The following PDPR variants were observed in gnomAD, a reference collection of about 807,000 sequenced individuals.
The protein encoded by PDPR is pyruvate dehydrogenase phosphatase regulatory subunit.
PDPR carries 50 observed loss-of-function variants against 102.2 expected under a neutral mutation model. The ratio of observed to expected loss-of-function variants is 0.49; its 90% confidence interval spans 0.39 to 0.62. PDPR has a LOEUF of 0.62. Ranked by LOEUF, PDPR falls within the 20% of genes least tolerant of loss-of-function variation. The pLI is 0.00. For missense variants in PDPR, 625 were observed against 1,098.2 expected (o/e 0.57, Z 6.09); for synonymous variants, 259 against 406.0 (o/e 0.64, Z 4.35).
In PDPR at chr16:70,120,595, C is replaced by A; in HGVS notation, c.103C>A (p.Arg35Ser). Residue 35 changes from arginine (R) to serine (S), a missense_variant, in exon 3 of 19, where the codon CGT becomes AGT. This residue lies in a region of PDPR where 84 missense variants were observed against 87.7 expected (regional missense o/e 0.96). Transcript: ENST00000288050. ...AAACAGCACGTCAGCTGCCGAGGCGCGTTCCATGGCCCTGCCCACCCAGGC... is the reference window on the plus strand; with the variant it reads ...AAACAGCACGTCAGCTGCCGAGGCGAGTTCCATGGCCCTGCCCACCCAGGC... Reference protein sequence around the residue: ...ARNSTSAAEARSMALPTQAQV... With the variant: ...ARNSTSAAEASSMALPTQAQV... 3 of 1,613,958 alleles carry A rather than the reference C, an allele frequency of 1.9e-6. No homozygotes were observed. Among genetic ancestry groups the A allele is most frequent in the Non-Finnish European group, 2.5e-6 (3 of 1,179,850 alleles).
intron 9 of PDPR, among the ~76,000 whole-genome samples, chr16:70,135,513 A>G (rs753139665): frequency 6.6e-6 from 1 of 152,264 alleles, no homozygotes; most frequent in Non-Finnish European, 1.5e-5. Context: ...CCGGGGTTAC[A>G]AATGCAAGCC....
At chr16:70,132,820 T>G (rs1964680371) in intron 9 of PDPR, among the ~76,000 whole-genome samples, 3 of 152,150 alleles carry the variant, frequency 2.0e-5, no homozygotes, top group East Asian at 1.9e-4. Context: ...TCTATCATTT[T>G]GTGTGTGTGT....
At chr16:70,163,423 C>T (rs919016327), downstream of PDPR, among the ~76,000 whole-genome samples, 5 of 152,270 alleles carry the variant, frequency 3.3e-5, no homozygotes, top group East Asian at 1.9e-4. Context: ...TCTCCCCACT[C>T]GCCTCTCCCT....
At chr16:70,128,672 T>C (rs1428803344) in intron 4 of PDPR, 112 bp from the exon 5 acceptor site, 2 of 1,572,512 alleles carry the variant, frequency 1.3e-6, no homozygotes, top group Admixed American at 2.0e-5. Flanking sequence ...GGATATTGAG[T>C]GGCAGTCCCA....
chr16:70,140,433 T>C (rs1327525423), intron 11 of PDPR, among the ~76,000 whole-genome samples: 1 of 152,272 alleles, frequency 6.6e-6, no homozygotes, highest in African/African-American at 2.4e-5. Context: ...CTTTGGAACC[T>C]GTACAAATCA....
At chr16:70,148,797 G>A (rs1352580296) in intron 17 of PDPR, among the ~76,000 whole-genome samples, 2 of 152,310 alleles carry the variant, frequency 1.3e-5, no homozygotes, top group South Asian at 2.1e-4. Flanking sequence ...AGTATTTGGC[G>A]CCGTCTGATC....
At chr16:70,156,429 G>T in intron 18 of PDPR, 46 bp from the exon 19 acceptor site, 1 of 1,601,148 alleles carries the variant, frequency 6.2e-7, no homozygotes, top group South Asian at 1.1e-5. Flanking sequence ...TCTGTGCCGA[G>T]GGTCTGAGTG....
chr16:70,152,589 G>A (rs1966820398), intron 17 of PDPR, among the ~76,000 whole-genome samples: 1 of 152,286 alleles, frequency 6.6e-6, no homozygotes, highest in African/African-American at 2.4e-5. Flanking sequence ...CAGCTACAGT[G>A]GTGCAGTTCA....
intron 9 of PDPR, among the ~76,000 whole-genome samples, chr16:70,135,194 T>C (rs1964993542): frequency 2.0e-5 from 3 of 150,486 alleles, no homozygotes; most frequent in African/African-American, 7.3e-5. Context: ...TAAAGCAGGG[T>C]GAAAGTCTGT....
Position 70,148,585 on chromosome 16 carries a change from C to T in PDPR, c.2052+32C>T, listed in dbSNP as rs9927748. 23,766 of 1,532,606 alleles carry T rather than the reference C, an allele frequency of 0.016. 910 individuals are homozygous for T. In the African/African-American group the frequency reaches 0.27, roughly 18 times the overall value. 94.9% of individuals were successfully genotyped at this position (1,532,606 alleles called of 1,614,324 possible). A position where few individuals can be genotyped will look rare whatever the true frequency, so the allele number is the denominator to read the frequency against. Reference sequence around the variant, plus strand: ...GGGCACCCTTCCCTTCCCTTCCCTTCACTTCCCTTCCCTTCCCTTCCCTTC... The same window carrying T: ...GGGCACCCTTCCCTTCCCTTCCCTTTACTTCCCTTCCCTTCCCTTCCCTTC... On this transcript the variant is annotated intron_variant, in intron 17 of 18. Coordinates refer to ENST00000288050, the MANE Select transcript of PDPR (RefSeq NM_017990.5).
At chr16:70,132,871 G>A (rs1367078674) in intron 9 of PDPR, among the ~76,000 whole-genome samples, 1 of 152,232 alleles carries the variant, frequency 6.6e-6, no homozygotes, top group Non-Finnish European at 1.5e-5. Context: ...GGAGTGCAGT[G>A]GCATGATCAT....
intron 2 of PDPR, among the ~76,000 whole-genome samples, chr16:70,115,875 C>T (rs1026802006): frequency 2.6e-5 from 4 of 152,070 alleles, no homozygotes; most frequent in African/African-American, 7.2e-5. Context: ...GTTTCTTCTC[C>T]CCTGGCTTTA....
intron 10 of PDPR, among the ~76,000 whole-genome samples, chr16:70,137,512 G>A (rs1407352871): frequency 6.6e-6 from 1 of 152,270 alleles, no homozygotes; most frequent in African/African-American, 2.4e-5. Context: ...CAGAGGCGGG[G>A]GAGGGGAGCT....
chr16:70,114,797 T>A (rs1161160576), intron 1 of PDPR, 24 bp from the exon 2 acceptor site: 1 of 152,304 alleles, frequency 6.6e-6, no homozygotes, highest in Admixed American at 6.5e-5. Context: ...CCAGCTTGTC[T>A]AGCCCGGTCC....
At chr16:70,130,665 T>C in intron 7 of PDPR, 121 bp downstream of exon 7, 1 of 1,316,900 alleles carries the variant, frequency 7.6e-7, no homozygotes, top group Non-Finnish European at 1.1e-6. Flanking sequence ...CGCTGTTTCT[T>C]GTAGGGTATT....
chr16:70,118,631 G>A (rs1962900247), intron 2 of PDPR, among the ~76,000 whole-genome samples: 1 of 152,162 alleles, frequency 6.6e-6, no homozygotes, highest in Non-Finnish European at 1.5e-5. Flanking sequence ...TTTACCTTTG[G>A]GAAAGGTATT....
intron 3 of PDPR, among the ~76,000 whole-genome samples, chr16:70,127,022 G>A (rs1390918465): frequency 1.3e-5 from 2 of 152,246 alleles, no homozygotes; most frequent in South Asian, 2.1e-4. Flanking sequence ...TTTTGTTGTT[G>A]TTGTTGGTAG....
At chr16:70,152,265 T>C (rs1966794332) in intron 17 of PDPR, among the ~76,000 whole-genome samples, 1 of 152,278 alleles carries the variant, frequency 6.6e-6, no homozygotes, top group Non-Finnish European at 1.5e-5. Flanking sequence ...ATGTCTGTAA[T>C]CCCAGCAATT....
At chr16:70,138,230 T>TTTTTTTTTTTTTTTTTTG (rs1965360707) in intron 10 of PDPR, among the ~76,000 whole-genome samples, 1 of 111,342 alleles carries the variant, frequency 9.0e-6, no homozygotes. Context: ...TTTTTTTTTT[T>TTTTTTTTTTTTTTTTTTG]TTTTTGAGTT....
Sources: allele counts gnomAD v4.1 joint callset (sites outside exome capture counted in the v4.1 genomes callset), GRCh38; gene constraint gnomAD v4.1.1; regional missense constraint gnomAD v4.1.1; transcripts MANE v1.5; gene names NCBI Gene and HGNC (gene_info 2026-07-23, HGNC 2026-07-21).